Variants in PPP2R2B observed in about 807,000 individuals in gnomAD.
The protein encoded by PPP2R2B is serine/threonine-protein phosphatase 2A 55 kDa regulatory subunit B beta isoform.
Under a neutral mutation model 46.0 loss-of-function variants are expected in PPP2R2B, and 5 were observed. That is an observed-to-expected ratio of 0.11 (90% confidence interval 0.06 to 0.23). PPP2R2B has a LOEUF of 0.23. Ranked by LOEUF, PPP2R2B falls within the 10% of genes least tolerant of loss-of-function variation. The probability of loss-of-function intolerance (pLI) is 1.00; values close to 1 mark genes in which losing one functional copy is unlikely to be tolerated. For synonymous variants in PPP2R2B, 215 were observed against 206.7 expected, an observed-to-expected ratio of 1.04 and a Z score of -0.34; for missense variants, 367 against 575.0, an observed-to-expected ratio of 0.64 and a Z score of 3.70.
At chr5:147,009,838 C>G (rs1754625349) in intron 1 of PPP2R2B, among the ~76,000 whole-genome samples, 1 of 149,124 alleles carries the variant, frequency 6.7e-6, no homozygotes, top group Admixed American at 6.7e-5. Context: ...CACATTTATA[C>G]ATATTTATAT....
chr5:147,040,851 T>C (rs1281999355), intron 1 of PPP2R2B: 3 of 431,290 alleles, frequency 7.0e-6, no homozygotes, highest in South Asian at 3.4e-5. Context: ...CCATTACACA[T>C]ACCTCCCTCA....
intron 1 of PPP2R2B, among the ~76,000 whole-genome samples, chr5:147,008,349 A>AT (rs1754548854): frequency 6.6e-6 from 1 of 152,146 alleles, no homozygotes; most frequent in South Asian, 2.1e-4. Context: ...TGCATAAAAC[A>AT]TTTATGAATA....
intron 2 of PPP2R2B, among the ~76,000 whole-genome samples, chr5:146,783,607 A>T (rs1755666447): frequency 6.6e-6 from 1 of 152,168 alleles, no homozygotes; most frequent in African/African-American, 2.4e-5. Flanking sequence ...GAGGCTGTAA[A>T]TTTTTTTAAG....
chr5:146,640,535 G>A (rs554907972), intron 6 of PPP2R2B, among the ~76,000 whole-genome samples: 3 of 152,318 alleles, frequency 2.0e-5, no homozygotes, highest in African/African-American at 7.2e-5. Context: ...GTTTTCAGCT[G>A]CTGTTAGATT....
intron 7 of PPP2R2B, among the ~76,000 whole-genome samples, chr5:146,615,942 A>G (rs1426429141): frequency 1.3e-5 from 2 of 152,230 alleles, no homozygotes; most frequent in Non-Finnish European, 2.9e-5. Flanking sequence ...GGCTATCTTA[A>G]GCAAAAAACA....
chr5:146,832,550 C>G (rs1326238436), intron 2 of PPP2R2B, among the ~76,000 whole-genome samples: 1 of 151,812 alleles, frequency 6.6e-6, no homozygotes, highest in African/African-American at 2.4e-5. Flanking sequence ...TGCCACCACA[C>G]CCAGCTAGTT....
intron 5 of PPP2R2B, among the ~76,000 whole-genome samples, chr5:146,654,025 C>T (rs1776160703): frequency 6.6e-6 from 1 of 152,164 alleles, no homozygotes; most frequent in Non-Finnish European, 1.5e-5. Context: ...TTCATCTGCT[C>T]TGGCCACATT....
At chr5:146,895,912 C>A (rs1440848392) in intron 1 of PPP2R2B, among the ~76,000 whole-genome samples, 1 of 152,044 alleles carries the variant, frequency 6.6e-6, no homozygotes, top group Admixed American at 6.6e-5. Flanking sequence ...AAAATATGTC[C>A]TGTCACAGAC....
chr5:147,011,132 TTA>T (rs1469557534), intron 1 of PPP2R2B, among the ~76,000 whole-genome samples: 1 of 152,140 alleles, frequency 6.6e-6, no homozygotes, highest in African/African-American at 2.4e-5. Flanking sequence ...TTACTGTATT[TTA>T]TATGTCACAG....
chr5:146,984,485 T>C (rs180883960), intron 1 of PPP2R2B, among the ~76,000 whole-genome samples: 176 of 152,344 alleles, frequency 1.2e-3, no homozygotes, highest in Non-Finnish European at 2.1e-3. Context: ...CATTCATCTG[T>C]TGATGGACAC....
intron 2 of PPP2R2B, among the ~76,000 whole-genome samples, chr5:147,061,551 C>T (rs1018591926): frequency 2.6e-5 from 4 of 152,176 alleles, no homozygotes; most frequent in Non-Finnish European, 4.4e-5. Flanking sequence ...TTGTCTTTCT[C>T]GCTCATTGCA....
intron 1 of PPP2R2B, among the ~76,000 whole-genome samples, chr5:147,052,184 G>C (rs62377607): frequency 0.21 from 31,479 of 151,912 alleles, 3,459 homozygotes; most frequent in East Asian, 0.33. Flanking sequence ...TTAAAGTATG[G>C]TTACAGAAAG....
intron 2 of PPP2R2B, among the ~76,000 whole-genome samples, chr5:147,068,063 A>G (rs902935317): frequency 6.6e-6 from 1 of 152,154 alleles, no homozygotes; most frequent in Non-Finnish European, 1.5e-5. Flanking sequence ...ATTTAGAGAG[A>G]GTTTACTAAA....
intron 7 of PPP2R2B, among the ~76,000 whole-genome samples, chr5:146,607,540 G>C (rs61005237): frequency 0.086 from 13,016 of 152,228 alleles, 910 homozygotes; most frequent in East Asian, 0.24. Context: ...AGAATGAAAA[G>C]TTAATCTAGA....
At chr5:146,608,091 G>A (rs1404895510) in intron 7 of PPP2R2B, among the ~76,000 whole-genome samples, 1 of 152,166 alleles carries the variant, frequency 6.6e-6, no homozygotes, top group Non-Finnish European at 1.5e-5. Flanking sequence ...GTCAGACTTG[G>A]CTGTATGCCA....
intron 1 of PPP2R2B, among the ~76,000 whole-genome samples, chr5:147,043,709 T>C (rs919223971): frequency 1.3e-5 from 2 of 152,190 alleles, no homozygotes; most frequent in Non-Finnish European, 2.9e-5. Flanking sequence ...CATGCATTAT[T>C]TTATTTAATC....
rs6892524 is a variant in PPP2R2B, at chr5:146,718,364, G to A, written c.71-17222C>T. Among the ~76,000 whole-genome samples, 131 of 151,850 alleles carry A rather than the reference G, an allele frequency of 8.6e-4. 2 individuals carry two copies. Among genetic ancestry groups the A allele is most frequent in the African/African-American group, 3.0e-3 (123 of 41,384 alleles). ...GATCGCACCACTGTACTACAGCCTG[G>A]GTGACAGAGTGAGACCCCATCTTAA... On this transcript the variant is annotated intron_variant, in intron 2 of 9. Transcript: ENST00000394411.
intron 1 of PPP2R2B, among the ~76,000 whole-genome samples, chr5:146,962,314 A>G (rs1006725936): frequency 6.6e-6 from 1 of 151,490 alleles, no homozygotes; most frequent in African/African-American, 2.4e-5. Context: ...AGGTAGAAGA[A>G]TTTGGTAGAC....
intron 1 of PPP2R2B, among the ~76,000 whole-genome samples, chr5:146,902,030 T>C (rs571190951): frequency 3.9e-5 from 6 of 152,168 alleles, no homozygotes; most frequent in Non-Finnish European, 8.8e-5. Context: ...AAAAAATCTC[T>C]GAAGAGCTGA....
Sources: gnomAD v4.1 joint callset for allele counts (sites outside exome capture counted in the v4.1 genomes callset) on GRCh38, gnomAD v4.1.1 for gene constraint, MANE v1.5 for transcripts, NCBI Gene and HGNC (gene_info 2026-07-23, HGNC 2026-07-21) for gene names.